Variants in MC2R observed in about 807,000 individuals in gnomAD.
MC2R encodes adrenocorticotropic hormone receptor.
MC2R carries 9 observed loss-of-function variants against 9.8 expected under a neutral mutation model. The observed-to-expected ratio is 0.92, with a 90% CI of 0.55 to 1.60. The LOEUF (loss-of-function observed/expected upper bound fraction) is 1.60, where lower values mean the gene tolerates loss of function less well. Among genes scored for constraint, MC2R ranks in the 40% most tolerant of loss-of-function variants. MC2R has a pLI of 0.00. For synonymous variants in MC2R, 185 were observed against 154.7 expected (o/e 1.20, Z -1.45); for missense variants, 370 against 389.0 (o/e 0.95, Z 0.41).
intron 1 of MC2R, among the ~76,000 whole-genome samples, chr18:13,915,007 C>A (rs141285615): frequency 6.6e-6 from 1 of 152,214 alleles, no homozygotes; most frequent in Non-Finnish European, 1.5e-5. Context: ...TAACGTCACA[C>A]GTGTGGATGG....
intron 1 of MC2R, among the ~76,000 whole-genome samples, chr18:13,899,054 A>G (rs1324697596): frequency 1.3e-5 from 2 of 152,216 alleles, no homozygotes; most frequent in Non-Finnish European, 2.9e-5. Context: ...AAAGAGATAT[A>G]TGACCTTTCA....
chr18:13,901,093 G>A (rs1349144672), intron 1 of MC2R, among the ~76,000 whole-genome samples: 2 of 152,020 alleles, frequency 1.3e-5, no homozygotes, highest in African/African-American at 4.8e-5. Context: ...ATAACAGGAG[G>A]AATTATGGAA....
intron 1 of MC2R, among the ~76,000 whole-genome samples, chr18:13,886,736 G>A (rs1026985492): frequency 6.6e-6 from 1 of 152,154 alleles, no homozygotes; most frequent in Non-Finnish European, 1.5e-5. Flanking sequence ...GGCGGACTGC[G>A]GCAGTGCACC....
chr18:13,896,569 T>G (rs911663328), intron 1 of MC2R, among the ~76,000 whole-genome samples: 3 of 152,252 alleles, frequency 2.0e-5, no homozygotes, highest in Non-Finnish European at 4.4e-5. Flanking sequence ...CTATGATTTA[T>G]TTACATTTAA....
At position 13,884,223 on chromosome 18, in the gene MC2R, TG is replaced by T. The variant is rs886053648; in HGVS notation, c.*401del. 3 of 290,702 alleles carry T rather than the reference TG, an allele frequency of 1.0e-5. No individual in the cohort carries two copies. Among genetic ancestry groups the T allele is most frequent in the Non-Finnish European group, 2.0e-5 (3 of 150,426 alleles). 18.0% of individuals were successfully genotyped at this position (290,702 alleles called of 1,614,324 possible). Reference sequence around the variant, plus strand: ...CCACCTGGAAAGGCCACCTCAGAACTGGCTTGTTAGATGTCCACAGGAAAGC... The same window carrying T: ...CCACCTGGAAAGGCCACCTCAGAACTGCTTGTTAGATGTCCACAGGAAAGC... On this transcript the variant is annotated 3_prime_UTR_variant, in exon 2 of 2. Coordinates refer to ENST00000327606, the MANE Select transcript of MC2R (RefSeq NM_000529.2).
chr18:13,913,323 C>G (rs775504558), intron 1 of MC2R, among the ~76,000 whole-genome samples: 19 of 152,184 alleles, frequency 1.2e-4, no homozygotes, highest in Non-Finnish European at 1.2e-4. Flanking sequence ...GCCTTCCTGC[C>G]AGTGTGACCC....
chr18:13,887,372 C>T (rs932716939), intron 1 of MC2R, among the ~76,000 whole-genome samples: 1 of 115,768 alleles, frequency 8.6e-6, no homozygotes, highest in African/African-American at 3.1e-5. Context: ...GGGGAAGCCT[C>T]GGGGATGGCA....
chr18:13,892,845 C>T (rs2045324770), intron 1 of MC2R, among the ~76,000 whole-genome samples: 1 of 145,702 alleles, frequency 6.9e-6, no homozygotes, highest in African/African-American at 2.5e-5. Context: ...CACACACACA[C>T]ACCACACACA....
Position 13,885,199 on chromosome 18 carries a change from T to C in MC2R, c.320A>G (p.Asp107Gly). The change falls in exon 2 of 2, where the codon GAC becomes GGC. Residue 107 changes from aspartate to glycine, a missense_variant. Transcript: ENST00000327606. ...SFETTADDIIDSLFVLSLLGS... is the reference protein window; with the variant it reads ...SFETTADDIIGSLFVLSLLGS... Reference sequence around the variant, plus strand: ...AAGCAGGGAGAGGACAAACAGGGAGTCGATGATGTCATCGGCTGTGGTTTC... The same window carrying C: ...AAGCAGGGAGAGGACAAACAGGGAGCCGATGATGTCATCGGCTGTGGTTTC... 1 of 1,613,728 alleles carries C rather than the reference T, an allele frequency of 6.2e-7. No homozygotes were observed. Among genetic ancestry groups the C allele is most frequent in the Non-Finnish European group, 8.5e-7 (1 of 1,179,934 alleles).
intron 1 of MC2R, among the ~76,000 whole-genome samples, chr18:13,910,490 T>C (rs1333399312): frequency 6.6e-6 from 1 of 152,246 alleles, no homozygotes; most frequent in African/African-American, 2.4e-5. Context: ...TCTGGACTTT[T>C]GACAGGGATT....
At position 13,882,433 on chromosome 18, in the gene MC2R, T is replaced by G. The variant is rs1472558199; in HGVS notation, c.*2192A>C. 1.3e-5 allele frequency: 2 copies of G among 152,240 alleles called. No homozygotes were observed. The highest frequency in any genetic ancestry group is 4.8e-5 in the African/African-American group (2 of 41,464). The allele number at this position is 152,240 out of a possible 1,614,324, so 9.4% of individuals were successfully genotyped here. A position where few individuals can be genotyped will look rare whatever the true frequency, so the allele number is the denominator to read the frequency against. On this transcript the variant is annotated 3_prime_UTR_variant, in exon 2 of 2. Transcript: ENST00000327606. ...TCTCTGAATTAGCACTCAGACTTCA[T>G]TTTTGTTTCATCCACCATTAGACTA...
At chr18:13,904,976 G>A (rs988884156) in intron 1 of MC2R, among the ~76,000 whole-genome samples, 1 of 152,052 alleles carries the variant, frequency 6.6e-6, no homozygotes, top group Non-Finnish European at 1.5e-5. Flanking sequence ...CACAGGCATG[G>A]GCAATGACTT....
intron 1 of MC2R, among the ~76,000 whole-genome samples, chr18:13,886,339 C>T (rs1253038622): frequency 6.6e-6 from 1 of 152,232 alleles, no homozygotes; most frequent in Non-Finnish European, 1.5e-5. Context: ...AAAGATTATT[C>T]TTTGCCGCCC....
In MC2R at chr18:13,884,882, C is replaced by A. The variant is rs536949098; in HGVS notation, c.637G>T (p.Ala213Ser). The change falls in exon 2 of 2, where the codon GCC becomes TCC. Residue 213 changes from alanine (A) to serine (S), a missense_variant. Physicochemically the swap from Ala to Ser is moderately conservative, Grantham distance 99. Transcript: ENST00000327606. ...AGTGTGATGGCCCCTTTCATGTTGG[C>A]TCTGGGGAGGGTGGAGATCTTCCTG... is the stretch of plus-strand genomic sequence containing the variant. ...HTRKISTLPRANMKGAITLTI... is the reference protein window; with the variant it reads ...HTRKISTLPRSNMKGAITLTI... 16 of 1,614,000 alleles carry A rather than the reference C, an allele frequency of 9.9e-6. 1 individual carries two copies. In the South Asian group the frequency reaches 1.8e-4, roughly 18 times the overall value.
At chr18:13,901,227 G>C (rs192771395) in intron 1 of MC2R, among the ~76,000 whole-genome samples, 3 of 152,070 alleles carry the variant, frequency 2.0e-5, no homozygotes, top group African/African-American at 7.2e-5. Flanking sequence ...CCAAACCTAT[G>C]GGGTACAGCA....
chr18:13,894,399 C>T (rs980844548), intron 1 of MC2R, among the ~76,000 whole-genome samples: 1 of 152,092 alleles, frequency 6.6e-6, no homozygotes, highest in South Asian at 2.1e-4. Context: ...TCATTGAAAT[C>T]CAGAAGCAGC....
intron 1 of MC2R, among the ~76,000 whole-genome samples, chr18:13,891,998 T>G (rs1193354746): frequency 6.6e-6 from 1 of 152,220 alleles, no homozygotes; most frequent in African/African-American, 2.4e-5. Context: ...GGAAACAGGA[T>G]GCAGTAGTCA....
chr18:13,892,583 C>G (rs1313031953), intron 1 of MC2R, among the ~76,000 whole-genome samples: 1 of 152,120 alleles, frequency 6.6e-6, no homozygotes, highest in African/African-American at 2.4e-5. Context: ...TTGGCTTGAA[C>G]AGCGTAGAAC....
chr18:13,907,748 C>T (rs1230429638), intron 1 of MC2R, among the ~76,000 whole-genome samples: 3 of 152,194 alleles, frequency 2.0e-5, no homozygotes, highest in African/African-American at 7.2e-5. Context: ...CAAAATAAGA[C>T]ATACAAATGG....
Sources: allele counts gnomAD v4.1 joint callset (sites outside exome capture counted in the v4.1 genomes callset), GRCh38; gene constraint gnomAD v4.1.1; transcripts MANE v1.5; gene names NCBI Gene and HGNC (gene_info 2026-07-23, HGNC 2026-07-21).